The following RARB variants were observed in gnomAD, a reference collection of about 807,000 sequenced individuals.
RARB encodes the protein HBV-activated protein.
Under a neutral mutation model 51.9 loss-of-function variants are expected in RARB, and 17 were observed. That is an observed-to-expected ratio of 0.33 (90% CI 0.22 to 0.49). RARB has a LOEUF of 0.49. Among genes scored for constraint, RARB ranks in the 20% least tolerant of loss-of-function variants. RARB has a pLI of 0.99. For missense variants in RARB, 369 were observed against 550.8 expected (o/e 0.67, Z 3.30); for synonymous variants, 215 against 195.4 (o/e 1.10, Z -0.84).
chr3:24,848,771 C>T (rs866310094), intron 1 of RARB, among the ~76,000 whole-genome samples: 5 of 152,200 alleles, frequency 3.3e-5, no homozygotes, highest in Admixed American at 2.0e-4. Context: ...TTTTACTTCA[C>T]GATGTCCTAG....
intron 5 of RARB, among the ~76,000 whole-genome samples, chr3:25,202,447 C>T (rs1266656855): frequency 6.6e-6 from 1 of 152,074 alleles, no homozygotes; most frequent in Non-Finnish European, 1.5e-5. Context: ...CAGTTCTGCT[C>T]TGATCTTAGT....
At chr3:24,872,053 G>A (rs927608058) in intron 2 of RARB, among the ~76,000 whole-genome samples, 1 of 152,080 alleles carries the variant, frequency 6.6e-6, no homozygotes, top group Non-Finnish European at 1.5e-5. Flanking sequence ...GTTTCTTGTA[G>A]AGAGTAAGTT....
rs374012438 is a variant in RARB at position 25,033,864 on chromosome 3, C to T, written c.-379-26261C>T. Among the ~76,000 whole-genome samples, 499 of 152,312 alleles carry T rather than the reference C, an allele frequency of 3.3e-3. 1 individual carries two copies. Among genetic ancestry groups the T allele is most frequent in the Non-Finnish European group, 5.9e-3 (398 of 68,034 alleles). Reference sequence around the variant, plus strand: ...TCTCCTAGCTTACATTACCGACAAACGTATATTCAAGAACGTACATGGGTG... The same window carrying T: ...TCTCCTAGCTTACATTACCGACAAATGTATATTCAAGAACGTACATGGGTG... On this transcript the variant is annotated intron_variant, in intron 2 of 11. Coordinates refer to the RARB transcript ENST00000383772.
chr3:25,590,376 A>G (rs1184455466), intron 5 of RARB, among the ~76,000 whole-genome samples: 1 of 152,046 alleles, frequency 6.6e-6, no homozygotes, highest in African/African-American at 2.4e-5. Flanking sequence ...GGATTCTTTC[A>G]TTTTTTGCAG....
intron 4 of RARB, among the ~76,000 whole-genome samples, chr3:25,163,539 T>TATATATATATATATATATATATA (rs1700510431): frequency 8.3e-6 from 1 of 120,570 alleles, no homozygotes; most frequent in African/African-American, 3.3e-5. Context: ...ATATATATAT[T>TATATATATATATATATATATATA]TGTTTATTTG....
rs1699031336 is a variant in RARB at position 25,082,705 on chromosome 3, AC to A, written c.-328+22532del. 3.3e-5 allele frequency among the ~76,000 whole-genome samples: 5 copies of A among 152,192 alleles called. No individual in the cohort carries two copies. The South Asian group carries it at 1.0e-3, about 31-fold the overall frequency. ...GAAGCAAAAAATATTGCTTATGATT[AC>A]CCACATGTTCATCTTTTCTTGAGCT... On this transcript the variant is annotated intron_variant, in intron 3 of 11. Coordinates refer to the RARB transcript ENST00000383772.
At chr3:25,540,813 T>G (rs773101917) in intron 3 of RARB, among the ~76,000 whole-genome samples, 14 of 152,140 alleles carry the variant, frequency 9.2e-5, no homozygotes, top group Non-Finnish European at 1.8e-4. Context: ...TAGAAAAGAT[T>G]AAAGAGAAGG....
At chr3:25,336,255 C>A (rs540449431) in intron 5 of RARB, among the ~76,000 whole-genome samples, 1 of 152,132 alleles carries the variant, frequency 6.6e-6, no homozygotes, top group South Asian at 2.1e-4. Flanking sequence ...TTCTTTCTTA[C>A]ACCTTTTCTT....
intron 5 of RARB, among the ~76,000 whole-genome samples, chr3:25,327,233 A>T (rs866915295): frequency 2.1e-4 from 32 of 150,826 alleles, no homozygotes; most frequent in South Asian, 1.0e-3. Flanking sequence ...ATTTTTTTTT[A>T]AAAAAAGGGA....
At chr3:25,148,102 A>G (rs1700223860) in intron 4 of RARB, among the ~76,000 whole-genome samples, 1 of 152,216 alleles carries the variant, frequency 6.6e-6, no homozygotes, top group African/African-American at 2.4e-5. Flanking sequence ...TGTTACTTGT[A>G]GCCAAAAAGA....
chr3:25,301,745 C>A (rs1005413094), intron 5 of RARB, among the ~76,000 whole-genome samples: 5 of 152,144 alleles, frequency 3.3e-5, no homozygotes, highest in African/African-American at 7.2e-5. Context: ...GAGGCTCTTG[C>A]GGTGGCAGTT....
At chr3:25,198,700 A>G (rs1294703871) in intron 5 of RARB, among the ~76,000 whole-genome samples, 2 of 152,150 alleles carry the variant, frequency 1.3e-5, no homozygotes, top group African/African-American at 4.8e-5. Flanking sequence ...GGCCAACCTT[A>G]CTGAGCATCA....
At chr3:24,932,095 A>G (rs142041149) in intron 2 of RARB, among the ~76,000 whole-genome samples, 1 of 152,206 alleles carries the variant, frequency 6.6e-6, no homozygotes, top group Non-Finnish European at 1.5e-5. Flanking sequence ...GCTTGGAAGA[A>G]AAAGTGTTTT....
intron 3 of RARB, among the ~76,000 whole-genome samples, chr3:25,550,612 T>C (rs76194157): frequency 0.041 from 6,284 of 152,316 alleles, 162 homozygotes; most frequent in Non-Finnish European, 0.062. Context: ...TTTCACTTTA[T>C]TTAAAATTTA....
At chr3:25,059,814 A>G (rs971239729) in intron 2 of RARB, among the ~76,000 whole-genome samples, 1 of 151,842 alleles carries the variant, frequency 6.6e-6, no homozygotes, top group African/African-American at 2.4e-5. Flanking sequence ...AGAGTTTGCT[A>G]TAATCTCTGA....
At chr3:25,307,532 C>G (rs1227834471) in intron 5 of RARB, among the ~76,000 whole-genome samples, 2 of 152,202 alleles carry the variant, frequency 1.3e-5, no homozygotes, top group African/African-American at 4.8e-5. Context: ...TGTTTTCCAA[C>G]AGTGAGCCAG....
chr3:25,035,327 G>C (rs1365764271), intron 2 of RARB, among the ~76,000 whole-genome samples: 1 of 151,344 alleles, frequency 6.6e-6, no homozygotes, highest in African/African-American at 2.4e-5. Flanking sequence ...TCGCCATGTT[G>C]CCCAGGCTGG....
intron 2 of RARB, among the ~76,000 whole-genome samples, chr3:25,025,422 T>A (rs552952471): frequency 1.3e-5 from 2 of 152,356 alleles, no homozygotes; most frequent in South Asian, 4.1e-4. Context: ...TGCCAAGCCC[T>A]GGGGGACCTA....
At chr3:25,446,190 T>G (rs575344640) in intron 1 of RARB, among the ~76,000 whole-genome samples, 2 of 152,370 alleles carry the variant, frequency 1.3e-5, no homozygotes, top group South Asian at 4.1e-4. Flanking sequence ...CACGTCTCTG[T>G]GACATATGGC....
Sources: allele counts gnomAD v4.1 joint callset (sites outside exome capture counted in the v4.1 genomes callset), GRCh38; gene constraint gnomAD v4.1.1; transcripts MANE v1.5; gene names NCBI Gene and HGNC (gene_info 2026-07-23, HGNC 2026-07-21).